Variants in GRID2 observed in about 807,000 individuals in gnomAD.
The protein encoded by GRID2 is glutamate ionotropic receptor delta type subunit 2, also known as glutamate receptor ionotropic, delta-2.
GRID2 carries 33 observed loss-of-function variants against 114.8 expected under a neutral mutation model. That is an observed-to-expected ratio of 0.29 (90% CI 0.22 to 0.38). The LOEUF is 0.38. GRID2 is among the 10% of genes least tolerant of loss of function. The pLI is 1.00. For missense variants in GRID2, 1,184 were observed against 1,257.7 expected, an observed-to-expected ratio of 0.94 and a Z score of 0.89; for synonymous variants, 505 against 449.9, an observed-to-expected ratio of 1.12 and a Z score of -1.55.
At chr4:92,781,567 T>G (rs1219380323) in intron 2 of GRID2, among the ~76,000 whole-genome samples, 3 of 152,240 alleles carry the variant, frequency 2.0e-5, no homozygotes, top group Non-Finnish European at 4.4e-5. Flanking sequence ...AAATTCCGTG[T>G]TATGATTTTT....
chr4:92,416,452 G>C (rs1731620817), intron 1 of GRID2, among the ~76,000 whole-genome samples: 1 of 152,050 alleles, frequency 6.6e-6, no homozygotes, highest in Non-Finnish European at 1.5e-5. Context: ...GTTGGCTTTT[G>C]GATTCTTGGT....
chr4:92,457,659 G>T (rs1478010477), intron 1 of GRID2, among the ~76,000 whole-genome samples: 1 of 152,010 alleles, frequency 6.6e-6, no homozygotes, highest in African/African-American at 2.4e-5. Flanking sequence ...TATGGGACAG[G>T]AACATTATAT....
intron 1 of GRID2, among the ~76,000 whole-genome samples, chr4:92,525,225 A>G (rs1474746598): frequency 6.6e-6 from 1 of 152,028 alleles, no homozygotes; most frequent in African/African-American, 2.4e-5. Flanking sequence ...TATTCAGAGA[A>G]TAGGACATTT....
intron 1 of GRID2, among the ~76,000 whole-genome samples, chr4:92,432,892 G>A (rs1732534143): frequency 6.6e-6 from 1 of 152,140 alleles, no homozygotes; most frequent in Admixed American, 6.6e-5. Flanking sequence ...TCTCCCCCAA[G>A]GCCTGCAATG....
At chr4:93,692,106 G>A (rs980718955) in intron 14 of GRID2, among the ~76,000 whole-genome samples, 5 of 151,982 alleles carry the variant, frequency 3.3e-5, no homozygotes, top group East Asian at 1.9e-4. Context: ...AATGCGGGGC[G>A]GGGAAGCAGT....
intron 2 of GRID2, among the ~76,000 whole-genome samples, chr4:92,681,333 A>G (rs1196670527): frequency 2.6e-5 from 4 of 152,246 alleles, no homozygotes; most frequent in African/African-American, 9.6e-5. Flanking sequence ...GGTGTGGATC[A>G]TGAACCTATG....
chr4:92,607,469 G>C (rs547019274), intron 2 of GRID2, among the ~76,000 whole-genome samples: 9 of 151,900 alleles, frequency 5.9e-5, no homozygotes, highest in African/African-American at 2.2e-4. Flanking sequence ...TTAAGTTACT[G>C]GGGGTGGGGA....
At chr4:93,035,592 T>C (rs1482528995) in intron 2 of GRID2, among the ~76,000 whole-genome samples, 1 of 152,142 alleles carries the variant, frequency 6.6e-6, no homozygotes, top group Non-Finnish European at 1.5e-5. Context: ...AAGGCCATAA[T>C]GAAGATATAA....
At chr4:93,111,329 A>T (rs1039089726) in intron 4 of GRID2, among the ~76,000 whole-genome samples, 2 of 152,206 alleles carry the variant, frequency 1.3e-5, no homozygotes, top group African/African-American at 2.4e-5. Flanking sequence ...CTGAAAAAAT[A>T]ATTACTTGAA....
At chr4:92,408,173 T>C (rs1198587477) in intron 1 of GRID2, among the ~76,000 whole-genome samples, 1 of 152,140 alleles carries the variant, frequency 6.6e-6, no homozygotes, top group African/African-American at 2.4e-5. Context: ...GCTAGCCATT[T>C]ATCCCAGAAC....
At chr4:93,126,798 C>A (rs1248869397) in intron 4 of GRID2, among the ~76,000 whole-genome samples, 1 of 151,216 alleles carries the variant, frequency 6.6e-6, no homozygotes, top group Non-Finnish European at 1.5e-5. Flanking sequence ...GGGGTTTCAC[C>A]GTGTTAGCCA....
intron 10 of GRID2, among the ~76,000 whole-genome samples, chr4:93,423,310 T>C (rs1370933135): frequency 6.7e-6 from 1 of 150,058 alleles, no homozygotes; most frequent in South Asian, 2.1e-4. Context: ...AAGTTACACA[T>C]GCAATTTGTA....
intron 8 of GRID2, among the ~76,000 whole-genome samples, chr4:93,275,966 T>C (rs1345631397): frequency 6.6e-6 from 1 of 151,978 alleles, no homozygotes; most frequent in Non-Finnish European, 1.5e-5. Context: ...AGTTTTATAT[T>C]TTTTGAATCT....
intron 11 of GRID2, among the ~76,000 whole-genome samples, chr4:93,477,552 A>G (rs868397026): frequency 6.6e-6 from 1 of 152,158 alleles, no homozygotes; most frequent in Admixed American, 6.6e-5. Flanking sequence ...CTTAAAACAG[A>G]TAAAAGAACT....
intron 2 of GRID2, among the ~76,000 whole-genome samples, chr4:92,971,189 T>C (rs1035973183): frequency 5.3e-5 from 8 of 152,012 alleles, no homozygotes; most frequent in African/African-American, 1.9e-4. Context: ...GCTTTAGAAA[T>C]AAATCTCTGT....
At chr4:93,780,752 A>G (rs181654112) in intron 1 of GRID2, among the ~76,000 whole-genome samples, 1 of 152,342 alleles carries the variant, frequency 6.6e-6, no homozygotes, top group East Asian at 1.9e-4. Context: ...GAAAGTGTGA[A>G]AACCTCCGTC....
intron 4 of GRID2, among the ~76,000 whole-genome samples, chr4:93,168,663 AAC>A (rs1400636144): frequency 1.3e-5 from 2 of 152,160 alleles, no homozygotes; most frequent in Admixed American, 6.5e-5. Context: ...CAAAAATAAA[AAC>A]AGAGTCTTTA....
At chr4:93,598,514 A>G (rs1052419268) in intron 13 of GRID2, among the ~76,000 whole-genome samples, 18 of 152,174 alleles carry the variant, frequency 1.2e-4, no homozygotes, top group Non-Finnish European at 2.4e-4. Flanking sequence ...ATAAATGTTA[A>G]CTTTTCCCTC....
chr4:92,962,396 G>A (rs984950416), intron 2 of GRID2, among the ~76,000 whole-genome samples: 12 of 151,760 alleles, frequency 7.9e-5, no homozygotes, highest in Non-Finnish European at 8.8e-5. Flanking sequence ...ACCTTCACAA[G>A]TGCTTCTCTG....
Sources: gnomAD v4.1 joint callset for allele counts (sites outside exome capture counted in the v4.1 genomes callset) on GRCh38, gnomAD v4.1.1 for gene constraint, MANE v1.5 for transcripts, NCBI Gene and HGNC (gene_info 2026-07-23, HGNC 2026-07-21) for gene names.